Variants in BAZ2B observed in about 807,000 individuals in gnomAD.
BAZ2B encodes bromodomain adjacent to zinc finger domain 2B, also known as bromodomain adjacent to zinc finger domain protein 2B.
Under a neutral mutation model 246.0 loss-of-function variants are expected in BAZ2B, and 91 were observed. The ratio of observed to expected loss-of-function variants is 0.37; its 90% CI spans 0.31 to 0.44. BAZ2B has a LOEUF of 0.44. Among genes scored for constraint, BAZ2B ranks in the 20% least tolerant of loss-of-function variants. BAZ2B has a pLI of 1.00. For missense variants in BAZ2B, 2,332 were observed against 2,533.7 expected (o/e 0.92, Z 1.71); for synonymous variants, 855 against 860.0 (o/e 0.99, Z 0.10).
chr2:159,376,491 G>C (rs1459845105), intron 25 of BAZ2B, among the ~76,000 whole-genome samples: 2 of 152,022 alleles, frequency 1.3e-5, no homozygotes, highest in East Asian at 3.8e-4. Context: ...CAGTTACAAA[G>C]GTATTTAGGC....
the BAZ2B span, among the ~76,000 whole-genome samples, chr2:159,696,872 A>G: frequency 0.46 from 69,516 of 151,874 alleles, 16,755 homozygotes; most frequent in Middle Eastern, 0.64. Flanking sequence ...TGCAACCTCC[A>G]CCTCCCGGGT....
the BAZ2B span, among the ~76,000 whole-genome samples, chr2:159,632,546 A>G: frequency 1.3e-5 from 2 of 152,230 alleles, no homozygotes; most frequent in African/African-American, 4.8e-5. Flanking sequence ...TGGCAAAGAA[A>G]CACCTATGTA....
chr2:159,657,675 T>C, the BAZ2B span, among the ~76,000 whole-genome samples: 1 of 152,242 alleles, frequency 6.6e-6, no homozygotes, highest in Non-Finnish European at 1.5e-5. Flanking sequence ...TTCTGGTACA[T>C]ACTTTGTCAG....
chr2:159,653,347 A>T, the BAZ2B span, among the ~76,000 whole-genome samples: 3 of 152,232 alleles, frequency 2.0e-5, no homozygotes, highest in African/African-American at 7.2e-5. Context: ...TATTCTTTTT[A>T]AAAAATCATT....
chr2:159,350,168 T>G lies in BAZ2B; in HGVS notation c.4403A>C (p.Lys1468Thr), dbSNP rs2058403694. The G allele has an allele frequency of 2.5e-6, 4 of 1,614,082 alleles. No individual in the cohort carries two copies. Among genetic ancestry groups the G allele is most frequent in the Non-Finnish European group, 3.4e-6 (4 of 1,179,990 alleles). Residue 1468 changes from lysine (K) to threonine (T), a missense_variant, in exon 28 of 37, where the codon AAA (lysine) becomes ACA (threonine). By Grantham distance (78) the Lys-to-Thr change is moderately conservative. This residue lies in a region of BAZ2B where 676 missense variants were observed against 668.6 expected (regional missense o/e 1.01). Transcript: ENST00000392783. ...AGCTACTTCCAAAAGCTTGCTTAAT[T>G]TGGAAAAAGAGCCAGGTTTCTGAAG... ...LFLQKPGSFS[K>T]LSKLLEVAKM...
rs772201124 is a variant in BAZ2B at position 159,438,392 on chromosome 2, T to C, written c.1204A>G (p.Ile402Val). 3 of 1,613,076 alleles carry C rather than the reference T, an allele frequency of 1.9e-6. No individual in the cohort carries two copies. The Admixed American group carries it at 5.0e-5, about 27-fold the overall frequency. Residue 402 changes from isoleucine (I) to valine (V), a missense_variant, in exon 8 of 37, where the codon ATA (isoleucine) becomes GTA (valine). Ile to Val is a conservative substitution (Grantham distance 29). Around this residue, in one of 9 missense-constraint regions of BAZ2B, gnomAD observed 651 missense variants for 650.9 expected, o/e 1.00. Coordinates refer to ENST00000392783, the MANE Select transcript of BAZ2B (RefSeq NM_013450.4). ...QAKKETYMKL[I>V]VPSPDVLKAG... is the part of the protein sequence containing the mutation. ...TTAAGAACATCAGGAGAAGGAACTA[T>C]GAGTTTCATGTAAGTTTCCTTTTTG...
intron 3 of BAZ2B, among the ~76,000 whole-genome samples, chr2:159,467,417 C>T (rs2077206463): frequency 6.6e-6 from 1 of 152,116 alleles, no homozygotes; most frequent in Non-Finnish European, 1.5e-5. Flanking sequence ...TCAGACGGGC[C>T]TTTCCCCCCC....
At chr2:159,704,488 T>C in the BAZ2B span, among the ~76,000 whole-genome samples, 5 of 147,916 alleles carry the variant, frequency 3.4e-5, no homozygotes, top group East Asian at 1.9e-4. Context: ...TTTTCTTTTT[T>C]TTTTTTTTTT....
chr2:159,361,462 C>A (rs370321823), intron 27 of BAZ2B, among the ~76,000 whole-genome samples: 2 of 152,004 alleles, frequency 1.3e-5, no homozygotes, highest in African/African-American at 4.8e-5. Context: ...CAGATGCTGG[C>A]GAGGCTGTGG....
intron 1 of BAZ2B, among the ~76,000 whole-genome samples, chr2:159,593,655 C>A (rs1689920334): frequency 6.6e-6 from 1 of 152,164 alleles, no homozygotes; most frequent in South Asian, 2.1e-4. Flanking sequence ...CCCCCTCAAA[C>A]CTGCCTGGGA....
rs773067675 is a variant in BAZ2B, at chr2:159,491,720, C to CAAAAAA, written c.-2-13005_-2-13000dup. The stretch of plus-strand genomic sequence containing the variant: ...CGGGCGACAGAGCGAGACTCCGTCT[C>CAAAAAA]AAAAAAAAAAAAAAAAAAAAAAAAA... On this transcript the variant is annotated intron_variant, in intron 2 of 36. Transcript: ENST00000392783. Among the ~76,000 whole-genome samples the CAAAAAA allele has an allele frequency of 1.4e-4, 4 of 29,554 alleles. 1 individual carries two copies. The highest frequency in any genetic ancestry group is 1.1e-3 in the East Asian group (1 of 926). The allele number at this position is 29,554 out of a possible 152,430, so 19.4% of individuals were successfully genotyped here.
intron 1 of BAZ2B, among the ~76,000 whole-genome samples, chr2:159,583,729 T>C (rs1317795753): frequency 6.6e-6 from 1 of 152,134 alleles, no homozygotes; most frequent in African/African-American, 2.4e-5. Flanking sequence ...TATAGCATAT[T>C]TGAAGGCCAT....
intron 6 of BAZ2B, among the ~76,000 whole-genome samples, chr2:159,441,275 T>C (rs1466041675): frequency 1.3e-5 from 2 of 152,304 alleles, no homozygotes; most frequent in East Asian, 3.9e-4. Flanking sequence ...TATTTAAAGA[T>C]GGCATGAGAA....
chr2:159,332,832 T>C, intron 33 of BAZ2B, 146 bp from the exon 34 acceptor site: 1 of 900,364 alleles, frequency 1.1e-6, no homozygotes, highest in African/African-American at 1.7e-5. Context: ...CACATCTATG[T>C]ATCTTTCGTT....
chr2:159,373,566 C>A (rs1048561438), intron 26 of BAZ2B, among the ~76,000 whole-genome samples: 5 of 152,226 alleles, frequency 3.3e-5, no homozygotes, highest in Admixed American at 1.3e-4. Flanking sequence ...CACAGTGGCT[C>A]ATGCCTGTAA....
At chr2:159,667,414 G>A in the BAZ2B span, among the ~76,000 whole-genome samples, 2 of 151,876 alleles carry the variant, frequency 1.3e-5, no homozygotes, top group East Asian at 3.9e-4. Context: ...TGGCCAACAT[G>A]GTGAAATCTT....
chr2:159,655,063 T>C, the BAZ2B span, among the ~76,000 whole-genome samples: 2 of 152,056 alleles, frequency 1.3e-5, no homozygotes, highest in Non-Finnish European at 2.9e-5. Flanking sequence ...ATAACATGAA[T>C]TCAAAGGCAA....
chr2:159,450,676 A>T (rs2150420890), intron 4 of BAZ2B, among the ~76,000 whole-genome samples: 1 of 152,312 alleles, frequency 6.6e-6, no homozygotes, highest in Non-Finnish European at 1.5e-5. Context: ...GATTATATAA[A>T]TCAGCATATG....
intron 2 of BAZ2B, among the ~76,000 whole-genome samples, chr2:159,485,459 A>G (rs951477834): frequency 6.6e-6 from 1 of 152,200 alleles, no homozygotes; most frequent in Non-Finnish European, 1.5e-5. Flanking sequence ...TAAAATGTGA[A>G]TATGTAAAAT....
Sources: allele counts gnomAD v4.1 joint callset (sites outside exome capture counted in the v4.1 genomes callset), GRCh38; gene constraint gnomAD v4.1.1; regional missense constraint gnomAD v4.1.1; transcripts MANE v1.5; gene names NCBI Gene and HGNC (gene_info 2026-07-23, HGNC 2026-07-21).